Variants in DMD observed in about 807,000 individuals in gnomAD.
The protein encoded by DMD is mutant dystrophin.
DMD carries 63 observed loss-of-function variants against 330.1 expected under a neutral mutation model. That is an observed-to-expected ratio of 0.19 (90% CI 0.16 to 0.24). The LOEUF is 0.24. Ranked by LOEUF, DMD falls within the 10% of genes least tolerant of loss-of-function variation. The probability of loss-of-function intolerance (pLI) is 1.00; values close to 1 mark genes in which losing one functional copy is unlikely to be tolerated. For missense variants in DMD, 3,344 were observed against 2,684.1 expected (o/e 1.25, Z -5.43); for synonymous variants, 1,223 against 959.8 (o/e 1.27, Z -5.07).
At chrX:32,496,336 T>C (rs928330307) in intron 19 of DMD, among the ~76,000 whole-genome samples, 72 of 111,848 alleles carry the variant, frequency 6.4e-4, no homozygotes, top group African/African-American at 2.2e-3. Context: ...TACAAGTCCA[T>C]TTAGCATTCA....
At chrX:31,918,205 T>C (rs1313895410) in intron 47 of DMD, among the ~76,000 whole-genome samples, 2 of 112,352 alleles carry the variant, frequency 1.8e-5, no homozygotes, top group African/African-American at 6.5e-5. Flanking sequence ...TAAAGTATGA[T>C]AGTATATATT....
At chrX:31,564,840 G>C (rs1040374809) in intron 55 of DMD, among the ~76,000 whole-genome samples, 4 of 111,690 alleles carry the variant, frequency 3.6e-5, no homozygotes, top group African/African-American at 1.3e-4. Flanking sequence ...GTTCAACATT[G>C]CTTGAAGTAA....
intron 1 of DMD, among the ~76,000 whole-genome samples, chrX:33,071,609 G>A (rs1263349348): frequency 7.3e-5 from 8 of 110,275 alleles, no homozygotes; most frequent in Non-Finnish European, 1.5e-4. Flanking sequence ...GAGTTCAGCT[G>A]AGCTTAAAGA....
chrX:33,066,123 T>TAA (rs1277876216), intron 1 of DMD, among the ~76,000 whole-genome samples: 1 of 107,759 alleles, frequency 9.3e-6, no homozygotes, highest in African/African-American at 3.4e-5. Flanking sequence ...AGTAGGTAGC[T>TAA]AAGTATTAGG....
intron 2 of DMD, among the ~76,000 whole-genome samples, chrX:32,938,815 T>C (rs1405861612): frequency 9.0e-6 from 1 of 111,391 alleles, no homozygotes; most frequent in Non-Finnish European, 1.9e-5. Flanking sequence ...TCCTAGGGTG[T>C]TTAATTGTTT....
chrX:32,154,563 T>C (rs1390970032), intron 44 of DMD, among the ~76,000 whole-genome samples: 2 of 111,672 alleles, frequency 1.8e-5, no homozygotes, highest in Non-Finnish European at 3.8e-5. Flanking sequence ...TGTTTCTTAA[T>C]GTGACACAAA....
intron 74 of DMD, among the ~76,000 whole-genome samples, chrX:31,164,198 T>C (rs2039168463): frequency 8.9e-6 from 1 of 112,057 alleles, no homozygotes. Context: ...GATATATAAA[T>C]TCATTCTCAC....
chrX:31,921,969 G>C (rs886180707), intron 47 of DMD, among the ~76,000 whole-genome samples: 3 of 111,727 alleles, frequency 2.7e-5, no homozygotes, highest in African/African-American at 9.8e-5. Context: ...TTTCTATCCA[G>C]GTTCCTGGCT....
intron 2 of DMD, among the ~76,000 whole-genome samples, chrX:32,884,831 G>T (rs982522409): frequency 3.6e-5 from 4 of 112,335 alleles, no homozygotes; most frequent in Non-Finnish European, 7.5e-5. Context: ...CAAACAAGGA[G>T]AAGTGTATCA....
intron 48 of DMD, among the ~76,000 whole-genome samples, chrX:31,857,095 T>C (rs930283284): frequency 2.7e-5 from 3 of 111,295 alleles, no homozygotes; most frequent in Non-Finnish European, 5.7e-5. Context: ...AATACCAATC[T>C]TGGCCAGGCA....
chrX:32,208,990 A>C (rs1325803826), intron 44 of DMD, among the ~76,000 whole-genome samples: 1 of 111,957 alleles, frequency 8.9e-6, no homozygotes, highest in East Asian at 2.8e-4. Context: ...GTAATACAAT[A>C]AAAGTATCAT....
intron 67 of DMD, among the ~76,000 whole-genome samples, chrX:31,192,449 AGAGAACACT>A (rs2042466474): frequency 8.9e-6 from 1 of 112,044 alleles, no homozygotes; most frequent in African/African-American, 3.2e-5. Flanking sequence ...GTTTCCATTC[AGAGAACACT>A]TGGTCTCATG....
chrX:32,550,101 G>A (rs2049381190), intron 16 of DMD, among the ~76,000 whole-genome samples: 1 of 111,481 alleles, frequency 9.0e-6, no homozygotes, highest in African/African-American at 3.3e-5. Context: ...AACCTATGTG[G>A]TACAGCTTAT....
In DMD at chrX:32,289,310, G is replaced by A. The variant is rs1221378941; in HGVS notation, c.6118-1609C>T. Among the ~76,000 whole-genome samples the A allele has an allele frequency of 1.0e-4, 11 of 110,425 alleles. No individual in the cohort carries two copies. The Admixed American group carries it at 1.1e-3, about 11-fold the overall frequency. ...GCAGAAATATCATCACCCATATTCA[G>A]CCTGAAGAAGTTACAGAAGATGTAT... On this transcript the variant is annotated intron_variant, in intron 42 of 78. Transcript: ENST00000357033.
intron 62 of DMD, among the ~76,000 whole-genome samples, chrX:31,305,081 A>G (rs1173391797): frequency 8.9e-6 from 1 of 111,834 alleles, no homozygotes; most frequent in Non-Finnish European, 1.9e-5. Flanking sequence ...GAAGCTCTTC[A>G]AGCCACCCTT....
intron 52 of DMD, among the ~76,000 whole-genome samples, chrX:31,694,625 TATATATATATATATATATATATATAC>T (rs1326257936): frequency 1.2e-5 from 1 of 86,136 alleles, no homozygotes; most frequent in Non-Finnish European, 2.2e-5. Flanking sequence ...AGCATATATA[TATATATATATATATATATATATATAC>T]ACACACATAT....
intron 1 of DMD, among the ~76,000 whole-genome samples, chrX:33,277,951 A>G (rs1191037351): frequency 9.1e-6 from 1 of 110,338 alleles, no homozygotes; most frequent in East Asian, 2.9e-4. Flanking sequence ...AACAATTTTT[A>G]AAAATGGGCC....
chrX:32,432,996 C>A (rs184061332), intron 29 of DMD, among the ~76,000 whole-genome samples: 1 of 112,114 alleles, frequency 8.9e-6, no homozygotes, highest in Non-Finnish European at 1.9e-5. Context: ...TTACAGACAT[C>A]TTTGAAAGGG....
chrX:32,421,293 A>G (rs1381823336), intron 29 of DMD, among the ~76,000 whole-genome samples: 1 of 111,690 alleles, frequency 9.0e-6, no homozygotes, highest in Non-Finnish European at 1.9e-5. Flanking sequence ...GGTTATTACA[A>G]GGTTTTCTAA....
Sources: allele counts gnomAD v4.1 joint callset (sites outside exome capture counted in the v4.1 genomes callset), GRCh38; gene constraint gnomAD v4.1.1; transcripts MANE v1.5; gene names NCBI Gene and HGNC (gene_info 2026-07-23, HGNC 2026-07-21).